The following SLC2A5 variants were observed in gnomAD, a reference collection of about 807,000 sequenced individuals.
SLC2A5 encodes solute carrier family 2, facilitated glucose transporter member 5.
Under a neutral mutation model 50.3 loss-of-function variants are expected in SLC2A5, and 56 were observed. That is an observed-to-expected ratio of 1.11 (90% CI 0.90 to 1.39). The LOEUF is 1.39. Ranked by LOEUF, SLC2A5 falls within the 40% of genes most tolerant of loss-of-function variation. The pLI, the probability that SLC2A5 is intolerant of heterozygous loss-of-function variation, is 0.00. For missense variants in SLC2A5, 566 were observed against 650.1 expected (o/e 0.87, Z 1.41); for synonymous variants, 269 against 281.9 (o/e 0.95, Z 0.46).
At chr1:9,050,849 T>TA (rs1641555208) in intron 3 of SLC2A5, among the ~76,000 whole-genome samples, 1 of 152,180 alleles carries the variant, frequency 6.6e-6, no homozygotes, top group Admixed American at 6.6e-5. Context: ...ACAGAGGTGT[T>TA]ATATGCATTA....
rs1298480850 is a variant in SLC2A5 at position 9,035,316 on chromosome 1, A to C, written c.*2270T>G. ...AGGTGCTGCAGTTTCTTGACTTCTG[A>C]TATTCTGACCTGGCCTCTCCTCAGC... On this transcript the variant is annotated 3_prime_UTR_variant, in exon 12 of 12. Coordinates refer to ENST00000377424, the MANE Select transcript of SLC2A5 (RefSeq NM_003039.3). 6.6e-6 allele frequency: 1 copy of C among 152,180 alleles called. No individual in the cohort carries two copies. The highest frequency in any genetic ancestry group is 6.5e-5 in the Admixed American group (1 of 15,274). The allele number at this position is 152,180 out of a possible 1,614,324, so 9.4% of individuals were successfully genotyped here.
At chr1:9,085,368 G>A (rs1360355096) in intron 1 of SLC2A5, among the ~76,000 whole-genome samples, 2 of 152,166 alleles carry the variant, frequency 1.3e-5, no homozygotes, top group Non-Finnish European at 2.9e-5. Context: ...CAAAGGTGGG[G>A]GAGGGTTCTT....
chr1:9,082,818 C>T, intron 2 of SLC2A5: 1 of 410,028 alleles, frequency 2.4e-6, no homozygotes, highest in Non-Finnish European at 4.7e-6. Flanking sequence ...TTTGAATTTG[C>T]AGTAACAGCT....
At position 9,040,207 on chromosome 1, in the gene SLC2A5, A is replaced by G. The variant is rs1275148540; in HGVS notation, c.572-18T>C. 6.5e-7 allele frequency: 1 copy of G among 1,543,554 alleles called. No individual in the cohort carries two copies. The highest frequency in any genetic ancestry group is 8.7e-7 in the Non-Finnish European group (1 of 1,146,198). ...CGGCCAGCCTGGGAGGAAGGCAGCGAGCTGGCACCAGCGGCCTCCCCACCA... is the reference window on the plus strand; with the variant it reads ...CGGCCAGCCTGGGAGGAAGGCAGCGGGCTGGCACCAGCGGCCTCCCCACCA... On this transcript the variant is annotated intron_variant, in intron 5 of 11. Transcript: ENST00000377424. The surrounding 1 kb of genome is among the most constrained non-coding windows in gnomAD (Gnocchi z 4.3).
chr1:9,073,595 A>G (rs1001282080), upstream of SLC2A5, among the ~76,000 whole-genome samples: 2 of 152,170 alleles, frequency 1.3e-5, no homozygotes, highest in African/African-American at 4.8e-5. Context: ...AAAATACTTC[A>G]TTTTGTTTTC....
At chr1:9,057,953 G>A (rs1456041017) in intron 2 of SLC2A5, among the ~76,000 whole-genome samples, 199 bp downstream of exon 2, 3 of 152,208 alleles carry the variant, frequency 2.0e-5, no homozygotes, top group Admixed American at 2.0e-4. Context: ...CCGGCCCACT[G>A]TGTGTCCATC....
intron 8 of SLC2A5, 45 bp downstream of exon 8, chr1:9,039,507 G>A (rs776564027): frequency 7.0e-7 from 1 of 1,430,666 alleles, no homozygotes; most frequent in Non-Finnish European, 9.5e-7. Context: ...CGTGGGGCCC[G>A]AGGGGCCTTG....
intron 1 of SLC2A5, among the ~76,000 whole-genome samples, chr1:9,067,081 T>C (rs932417900): frequency 6.6e-6 from 1 of 151,202 alleles, no homozygotes; most frequent in African/African-American, 2.4e-5. Flanking sequence ...GGCTCCATAC[T>C]GCCAGACGCC....
intron 1 of SLC2A5, among the ~76,000 whole-genome samples, chr1:9,065,370 C>A (rs1262795886): frequency 6.6e-6 from 1 of 152,192 alleles, no homozygotes; most frequent in Non-Finnish European, 1.5e-5. Flanking sequence ...AACCATCTCC[C>A]TTAGAAATCC....
chr1:9,048,808 C>T (rs1641500695), intron 3 of SLC2A5, among the ~76,000 whole-genome samples: 1 of 151,834 alleles, frequency 6.6e-6, no homozygotes, highest in Non-Finnish European at 1.5e-5. Context: ...GGCACGTGCC[C>T]CCACACCCAG....
rs749547575 is a variant in SLC2A5 at position 9,043,189 on chromosome 1, T to G, written c.419-1252A>C. ...ATGGAGGCTCAGGGACGTGGGTCTCTGAAGGGAGGCTCTCAGGAACAGAGT... is the reference window on the plus strand; with the variant it reads ...ATGGAGGCTCAGGGACGTGGGTCTCGGAAGGGAGGCTCTCAGGAACAGAGT... On this transcript the variant is annotated intron_variant, in intron 4 of 11. Transcript: ENST00000377424. 2.0e-5 allele frequency among the ~76,000 whole-genome samples: 3 copies of G among 152,258 alleles called. No individual in the cohort carries two copies. The South Asian group carries it at 6.2e-4, about 32-fold the overall frequency.
At position 9,039,892 on chromosome 1, in the gene SLC2A5, C is replaced by A. The variant is rs201546596; in HGVS notation, c.793G>T (p.Val265Leu). The change falls in exon 7 of 12, where the codon GTG becomes TTG. Residue 265 changes from valine to leucine, a missense_variant. Coordinates refer to ENST00000377424, the MANE Select transcript of SLC2A5 (RefSeq NM_003039.3). The part of the protein sequence containing the change: ...EAEKAAGFIS[V>L]LKLFRMRSLR... Reference sequence around the variant, plus strand: ...GAGCGCATCCGGAACAGCTTCAGCACGGAGATGAAGCCCGCGGCCTTCTCT... The same window carrying A: ...GAGCGCATCCGGAACAGCTTCAGCAAGGAGATGAAGCCCGCGGCCTTCTCT... The A allele has an allele frequency of 3.1e-6, 5 of 1,612,698 alleles. No individual in the cohort carries two copies. The highest frequency in any genetic ancestry group is 3.3e-5 in the Admixed American group (2 of 59,970).
chr1:9,065,514 T>C (rs536310261), intron 1 of SLC2A5, among the ~76,000 whole-genome samples: 4 of 152,320 alleles, frequency 2.6e-5, no homozygotes, highest in African/African-American at 9.6e-5. Context: ...GCTATGTCAC[T>C]TTATCACACT....
intron 4 of SLC2A5, among the ~76,000 whole-genome samples, chr1:9,045,145 C>G (rs1641404746): frequency 6.6e-6 from 1 of 152,170 alleles, no homozygotes; most frequent in African/African-American, 2.4e-5. Flanking sequence ...TCACAACTGA[C>G]CTGACCCAGA....
At chr1:9,091,343 C>A (rs1397781815), upstream of SLC2A5, among the ~76,000 whole-genome samples, 1 of 152,184 alleles carries the variant, frequency 6.6e-6, no homozygotes, top group Non-Finnish European at 1.5e-5. Flanking sequence ...CTAGCCCAAC[C>A]CATGGGAAAC....
rs1641263872 is a variant in SLC2A5, at chr1:9,040,192, G to A, written c.572-3C>T. 1 of 1,548,058 alleles carries A rather than the reference G, an allele frequency of 6.5e-7. No homozygotes were observed. The highest frequency in any genetic ancestry group is 8.7e-7 in the Non-Finnish European group (1 of 1,147,360). ...CAGCCCCAGCAGGATCGGCCAGCCTGGGAGGAAGGCAGCGAGCTGGCACCA... is the reference window on the plus strand; with the variant it reads ...CAGCCCCAGCAGGATCGGCCAGCCTAGGAGGAAGGCAGCGAGCTGGCACCA... On this transcript the variant is annotated splice_region_variant and splice_polypyrimidine_tract_variant and intron_variant, in intron 5 of 11. Coordinates refer to ENST00000377424, the MANE Select transcript of SLC2A5 (RefSeq NM_003039.3). This position sits in a 1 kb window ranked among gnomAD's most constrained non-coding sequence, Gnocchi z 4.3.
intron 2 of SLC2A5, among the ~76,000 whole-genome samples, chr1:9,080,277 G>A (rs540123474): frequency 1.8e-4 from 28 of 152,300 alleles, no homozygotes; most frequent in African/African-American, 6.7e-4. Context: ...GCGCATGGGT[G>A]TACAAGTATC....
chr1:9,076,177 A>T (rs995263074), intron 2 of SLC2A5, among the ~76,000 whole-genome samples: 4 of 151,392 alleles, frequency 2.6e-5, no homozygotes, highest in African/African-American at 9.7e-5. Flanking sequence ...GCTGTTCTAG[A>T]ACTCCTGACC....
upstream of SLC2A5, among the ~76,000 whole-genome samples, chr1:9,090,199 CTT>C (rs1642448326): frequency 6.6e-6 from 1 of 152,086 alleles, no homozygotes; most frequent in Non-Finnish European, 1.5e-5. Flanking sequence ...CAAAGCCACT[CTT>C]ATATATTATT....
Sources: gnomAD v4.1 joint callset for allele counts (sites outside exome capture counted in the v4.1 genomes callset) on GRCh38, gnomAD v4.1.1 for gene constraint, Gnocchi (gnomAD v3.1) non-coding constraint, MANE v1.5 for transcripts, NCBI Gene and HGNC (gene_info 2026-07-23, HGNC 2026-07-21) for gene names.